The following RAD51C variants were observed in gnomAD, a reference collection of about 807,000 sequenced individuals.
RAD51C encodes DNA repair protein RAD51 homolog 3.
A neutral mutation model predicts 45.0 loss-of-function variants in RAD51C; 42 were observed. The observed-to-expected ratio is 0.93, with a 90% CI of 0.73 to 1.21. The LOEUF is 1.21. Among genes scored for constraint, RAD51C ranks in the 50% most tolerant of loss-of-function variants. The pLI, the probability that RAD51C is intolerant of heterozygous loss-of-function variation, is 0.00. For missense variants in RAD51C, 474 were observed against 452.2 expected (o/e 1.05, Z -0.44); for synonymous variants, 172 against 159.8 (o/e 1.08, Z -0.58).
At chr17:58,729,208 T>C (rs1031970694) in intron 7 of RAD51C, among the ~76,000 whole-genome samples, 4 of 152,100 alleles carry the variant, frequency 2.6e-5, no homozygotes, top group African/African-American at 9.7e-5. Flanking sequence ...TGAGGATGAT[T>C]TTTTTGTTTT....
chr17:58,706,647 G>A, intron 4 of RAD51C: 1 of 329,520 alleles, frequency 3.0e-6, no homozygotes, highest in Non-Finnish European at 6.5e-6. Flanking sequence ...ATCCCCTTTG[G>A]CACCATTCTT....
chr17:58,692,853 C>A (rs1290630941), intron 1 of RAD51C, 65 bp downstream of exon 1: 1 of 1,610,844 alleles, frequency 6.2e-7, no homozygotes, highest in Non-Finnish European at 8.5e-7. Flanking sequence ...AGTCTTCGTT[C>A]TCTCGCCTCG....
intron 5 of RAD51C, among the ~76,000 whole-genome samples, chr17:58,714,519 C>T (rs1167753582): frequency 3.3e-5 from 5 of 152,224 alleles, no homozygotes; most frequent in South Asian, 4.1e-4. Flanking sequence ...AGTGCCATGG[C>T]GCGATCTTGG....
intron 3 of RAD51C, among the ~76,000 whole-genome samples, chr17:58,698,349 AT>A (rs1421196306): frequency 1.3e-5 from 2 of 150,724 alleles, no homozygotes; most frequent in Non-Finnish European, 3.0e-5. Flanking sequence ...TGCCCAGCTA[AT>A]TTTTTTTGTA....
At chr17:58,708,313 G>A (rs1437488795) in intron 4 of RAD51C, among the ~76,000 whole-genome samples, 3 of 151,532 alleles carry the variant, frequency 2.0e-5, no homozygotes, top group Non-Finnish European at 4.4e-5. Flanking sequence ...TACCTTATTT[G>A]TGTGTTTGTT....
At chr17:58,717,307 A>G (rs931784321) in intron 5 of RAD51C, among the ~76,000 whole-genome samples, 3 of 152,180 alleles carry the variant, frequency 2.0e-5, no homozygotes, top group South Asian at 2.1e-4. Context: ...TGCTTGAACT[A>G]TAGTTCTAGC....
At chr17:58,693,035 T>A in intron 1 of RAD51C, 1 of 536,378 alleles carries the variant, frequency 1.9e-6, no homozygotes, top group East Asian at 3.4e-5. Context: ...GCTTTGAGGA[T>A]TGTCTCATTT....
At chr17:58,719,130 A>G (rs2048831709) in intron 5 of RAD51C, among the ~76,000 whole-genome samples, 1 of 152,028 alleles carries the variant, frequency 6.6e-6, no homozygotes, top group Admixed American at 6.6e-5. Context: ...AGGCTGAGGC[A>G]GGAGAATAGC....
chr17:58,697,384 A>C (rs1316514071), intron 3 of RAD51C, among the ~76,000 whole-genome samples: 2 of 152,016 alleles, frequency 1.3e-5, no homozygotes, highest in African/African-American at 4.8e-5. Context: ...AAAAATACCA[A>C]AATTAGCCAG....
intron 6 of RAD51C, among the ~76,000 whole-genome samples, chr17:58,721,068 G>C (rs988390312): frequency 1.3e-5 from 2 of 152,050 alleles, no homozygotes; most frequent in African/African-American, 4.8e-5. Context: ...ATCACTTGAG[G>C]CCAGGAGTTC....
intron 4 of RAD51C, chr17:58,706,399 C>A: frequency 3.6e-6 from 1 of 279,944 alleles, no homozygotes; most frequent in Non-Finnish European, 7.7e-6. Context: ...CACTGCACTC[C>A]AGCCTGAGTG....
Position 58,692,751 on chromosome 17 carries a change from G to A in RAD51C, c.108G>A (p.Glu36=), listed in dbSNP as rs2047814794. ...KLVSAGFQTA[E]ELLEVKPSEL... Reference sequence around the variant, plus strand: ...TGTCTGCGGGGTTCCAGACTGCTGAGGAACTCCTAGAGGTGAAACCCTCCG... The same window carrying A: ...TGTCTGCGGGGTTCCAGACTGCTGAAGAACTCCTAGAGGTGAAACCCTCCG... Residue 36 remains glutamate, a synonymous_variant, in exon 1 of 9, where the codon GAG becomes GAA. Coordinates refer to ENST00000337432, the MANE Select transcript of RAD51C (RefSeq NM_058216.3). 1.2e-6 allele frequency: 2 copies of A among 1,614,124 alleles called. No individual in the cohort carries two copies. The highest frequency in any genetic ancestry group is 1.7e-5 in the Admixed American group (1 of 60,012).
chr17:58,696,633 CA>C, intron 2 of RAD51C, 59 bp from the exon 3 acceptor site: 1 of 1,608,612 alleles, frequency 6.2e-7, no homozygotes. Flanking sequence ...ATCTGGAGTT[CA>C]AAAACACTAC....
rs780116924 is a variant in RAD51C at position 58,692,803 on chromosome 17, T to C, written c.145+15T>C. 1 of 1,614,136 alleles carries C rather than the reference T, an allele frequency of 6.2e-7. No individual in the cohort carries two copies. The highest frequency in any genetic ancestry group is 8.5e-7 in the Non-Finnish European group (1 of 1,180,004). On this transcript the variant is annotated intron_variant, in intron 1 of 8. Transcript: ENST00000337432. ...GCTTAGCAAAGGTAACGACTCCTGA[T>C]GGCAAGCTGAGGCACACCGGCCGCC...
chr17:58,694,866 C>G (rs749437872), intron 1 of RAD51C, 65 bp from the exon 2 acceptor site: 7 of 1,365,282 alleles, frequency 5.1e-6, no homozygotes, highest in Non-Finnish European at 7.3e-6. Context: ...TAAAGACAAT[C>G]GATTATCATG....
intron 1 of RAD51C, 143 bp downstream of exon 1, chr17:58,692,931 C>G: frequency 8.4e-7 from 1 of 1,186,514 alleles, no homozygotes. Context: ...GAAAGAGCTC[C>G]TCGACTCCAC....
intron 5 of RAD51C, among the ~76,000 whole-genome samples, chr17:58,720,036 A>G (rs2048862058): frequency 6.6e-6 from 1 of 150,790 alleles, no homozygotes; most frequent in Non-Finnish European, 1.5e-5. Context: ...TTGGCCTCCC[A>G]AAGTGCTGGG....
chr17:58,697,355 A>T (rs1307397334), intron 3 of RAD51C, among the ~76,000 whole-genome samples: 1 of 152,016 alleles, frequency 6.6e-6, no homozygotes, highest in Non-Finnish European at 1.5e-5. Context: ...GGCCAACATG[A>T]TGAAACCCTA....
At chr17:58,717,342 ATTGT>A (rs1308680121) in intron 5 of RAD51C, among the ~76,000 whole-genome samples, 9 of 152,160 alleles carry the variant, frequency 5.9e-5, no homozygotes, top group African/African-American at 1.9e-4. Context: ...AGGCAGGAAG[ATTGT>A]TTGAGTCCAC....
Sources: allele counts gnomAD v4.1 joint callset (sites outside exome capture counted in the v4.1 genomes callset), GRCh38; gene constraint gnomAD v4.1.1; transcripts MANE v1.5; gene names NCBI Gene and HGNC (gene_info 2026-07-23, HGNC 2026-07-21).